Variants in TRDN observed in about 807,000 individuals in gnomAD.
TRDN encodes triadin, also known as triadin in skeletal muscle.
In TRDN, 161 loss-of-function variants were observed where a neutral mutation model predicts 149.7. The ratio of observed to expected loss-of-function variants is 1.08; its 90% CI spans 0.95 to 1.23. The LOEUF is 1.23. Among genes scored for constraint, TRDN ranks in the 50% most tolerant of loss-of-function variants. The pLI is 0.00. For synonymous variants in TRDN, 294 were observed against 250.5 expected, an observed-to-expected ratio of 1.17 and a Z score of -1.64; for missense variants, 896 against 823.5, an observed-to-expected ratio of 1.09 and a Z score of -1.08.
chr6:123,495,975 C>T (rs1466637121), intron 9 of TRDN, among the ~76,000 whole-genome samples: 1 of 150,256 alleles, frequency 6.7e-6, no homozygotes, highest in Admixed American at 6.7e-5. Context: ...ATCACACTAC[C>T]TTCCTGAAGG....
At chr6:123,337,564 A>G in intron 22 of TRDN, 55 bp downstream of exon 22, 1 of 910,640 alleles carries the variant, frequency 1.1e-6, no homozygotes, top group South Asian at 2.0e-5. Flanking sequence ...CTGTGTTCTC[A>G]ATAATATATA....
At chr6:123,587,289 TGACTGGCGCCA>T (rs1046101449) in intron 1 of TRDN, among the ~76,000 whole-genome samples, 2 of 152,156 alleles carry the variant, frequency 1.3e-5, no homozygotes, top group Non-Finnish European at 2.9e-5. Context: ...CCCTAGTCCA[TGACTGGCGCCA>T]GAGTTTTGGG....
chr6:123,325,572 T>G (rs1311733771), intron 23 of TRDN, among the ~76,000 whole-genome samples: 1 of 152,082 alleles, frequency 6.6e-6, no homozygotes, highest in Non-Finnish European at 1.5e-5. Context: ...ATTAATTGAA[T>G]CTTCTTAGAG....
chr6:123,418,710 T>C (rs1042494039), intron 12 of TRDN: 2 of 152,172 alleles, frequency 1.3e-5, no homozygotes, highest in Non-Finnish European at 2.9e-5. Context: ...ACTGACTCCA[T>C]TCCATCTTCT....
chr6:123,591,309 G>A (rs9320944), intron 1 of TRDN, among the ~76,000 whole-genome samples: 41,627 of 151,998 alleles, frequency 0.27, 6,215 homozygotes, highest in East Asian at 0.54. Flanking sequence ...GCAGTGGCAC[G>A]ATCTTGGCTC....
intron 30 of TRDN, among the ~76,000 whole-genome samples, chr6:123,270,560 A>T (rs561393705): frequency 1.3e-5 from 2 of 152,002 alleles, no homozygotes; most frequent in African/African-American, 2.4e-5. Context: ...TTCAAGACTC[A>T]TAAGTTTTCT....
At chr6:123,241,337 G>A (rs941934662) in intron 38 of TRDN, among the ~76,000 whole-genome samples, 1 of 151,028 alleles carries the variant, frequency 6.6e-6, no homozygotes, top group Non-Finnish European at 1.5e-5. Flanking sequence ...TCATTTCACA[G>A]TTTTCTTTTC....
intron 5 of TRDN, among the ~76,000 whole-genome samples, chr6:123,525,788 A>C (rs190582803): frequency 6.6e-6 from 1 of 152,198 alleles, no homozygotes. Context: ...ACTTCTTTCT[A>C]AATGGGGCCT....
intron 24 of TRDN, among the ~76,000 whole-genome samples, chr6:123,282,495 TAAAG>T (rs1777619887): frequency 6.6e-6 from 1 of 151,934 alleles, no homozygotes; most frequent in African/African-American, 2.4e-5. Flanking sequence ...AATTCATTCA[TAAAG>T]AAACTTTCTG....
chr6:123,460,354 TA>T (rs768491998), intron 10 of TRDN, among the ~76,000 whole-genome samples: 1 of 152,164 alleles, frequency 6.6e-6, no homozygotes, highest in African/African-American at 2.4e-5. Context: ...TTTCCTGATG[TA>T]AAAAATATTA....
At chr6:123,304,770 G>T (rs1778549480) in intron 24 of TRDN, among the ~76,000 whole-genome samples, 1 of 152,034 alleles carries the variant, frequency 6.6e-6, no homozygotes, top group African/African-American at 2.4e-5. Context: ...ATGGATCCAT[G>T]AAACTGCTAA....
intron 20 of TRDN, among the ~76,000 whole-genome samples, chr6:123,359,686 ATTTGTTTGTTTG>A (rs556540709): frequency 2.6e-5 from 4 of 151,538 alleles, no homozygotes; most frequent in African/African-American, 9.7e-5. Flanking sequence ...TGTGAAGGGG[ATTTGTTTGTTTG>A]TTTGTTTGTT....
chr6:123,436,928 T>C (rs903983484), intron 12 of TRDN, among the ~76,000 whole-genome samples: 1 of 152,174 alleles, frequency 6.6e-6, no homozygotes, highest in Non-Finnish European at 1.5e-5. Context: ...ATGGTTCTAA[T>C]GGTAGAATTT....
chr6:123,412,393 A>G (rs556217101), intron 12 of TRDN, among the ~76,000 whole-genome samples: 4 of 152,352 alleles, frequency 2.6e-5, no homozygotes, highest in African/African-American at 9.6e-5. Flanking sequence ...TTGACTTCTC[A>G]ATAACTAGTC....
intron 1 of TRDN, among the ~76,000 whole-genome samples, chr6:123,571,901 A>T (rs1432695295): frequency 6.6e-6 from 1 of 152,100 alleles, no homozygotes; most frequent in Non-Finnish European, 1.5e-5. Context: ...GCGTAATTTA[A>T]TCAAAAACTT....
At chr6:123,387,828 A>G (rs1781964683) in intron 14 of TRDN, among the ~76,000 whole-genome samples, 1 of 152,162 alleles carries the variant, frequency 6.6e-6, no homozygotes, top group African/African-American at 2.4e-5. Flanking sequence ...ATAGCTCAGG[A>G]AAAGTGAAAA....
At chr6:123,351,014 T>C (rs150867399) in intron 21 of TRDN, 1 of 981,574 alleles carries the variant, frequency 1.0e-6, no homozygotes, top group African/African-American at 1.8e-5. Context: ...TTCAAATCAA[T>C]TGTCTGTTTG....
intron 24 of TRDN, among the ~76,000 whole-genome samples, chr6:123,292,434 C>T (rs1449264190): frequency 1.3e-5 from 2 of 152,286 alleles, no homozygotes; most frequent in Non-Finnish European, 2.9e-5. Flanking sequence ...AGTTTAGCTG[C>T]TGTGGTCTTA....
rs140748816 is a variant in TRDN at position 123,617,937 on chromosome 6, A to T, written c.22+18817T>A. ...ATTTTTAGTAGAGATGGGTTTCGCCATGTTGGCCAGGCTGGTCTCAAACTC... is the reference window on the plus strand; with the variant it reads ...ATTTTTAGTAGAGATGGGTTTCGCCTTGTTGGCCAGGCTGGTCTCAAACTC... On this transcript the variant is annotated intron_variant, in intron 1 of 40. Transcript: ENST00000334268. Among the ~76,000 whole-genome samples, 1,065 of 152,100 alleles carry T rather than the reference A, an allele frequency of 7.0e-3. 9 individuals carry two copies. Among genetic ancestry groups the T allele is most frequent in the African/African-American group, 0.025 (1,035 of 41,502 alleles).
Sources: allele counts gnomAD v4.1 joint callset (sites outside exome capture counted in the v4.1 genomes callset), GRCh38; gene constraint gnomAD v4.1.1; transcripts MANE v1.5; gene names NCBI Gene and HGNC (gene_info 2026-07-23, HGNC 2026-07-21).